The following EYS variants were observed in gnomAD, a reference collection of about 807,000 sequenced individuals.
The protein encoded by EYS is protein eyes shut homolog.
Under a neutral mutation model 282.1 loss-of-function variants are expected in EYS, and 250 were observed. The observed-to-expected ratio is 0.89, with a 90% confidence interval of 0.80 to 0.98. The LOEUF is 0.98. Ranked by LOEUF, EYS falls within the 50% of genes least tolerant of loss-of-function variation. The probability of loss-of-function intolerance (pLI) is 0.00; values close to 1 mark genes in which losing one functional copy is unlikely to be tolerated. For missense variants in EYS, 4,016 were observed against 3,709.0 expected (o/e 1.08, Z -2.15); for synonymous variants, 1,355 against 1,282.9 (o/e 1.06, Z -1.20).
At chr6:63,793,869 G>A (rs563795889) in intron 37 of EYS, among the ~76,000 whole-genome samples, 1 of 152,296 alleles carries the variant, frequency 6.6e-6, no homozygotes, top group East Asian at 1.9e-4. Flanking sequence ...GCCGCTTAGA[G>A]CCTTTGTATG....
At chr6:65,580,262 A>G (rs1297748563) in intron 2 of EYS, among the ~76,000 whole-genome samples, 1 of 152,182 alleles carries the variant, frequency 6.6e-6, no homozygotes, top group Non-Finnish European at 1.5e-5. Flanking sequence ...TATTTGGAGA[A>G]AAGATTGCTT....
intron 5 of EYS, among the ~76,000 whole-genome samples, chr6:65,435,322 A>C (rs1442230254): frequency 6.6e-6 from 1 of 152,078 alleles, no homozygotes; most frequent in Non-Finnish European, 1.5e-5. Context: ...GTCAAAGATT[A>C]TAACAGTTCA....
intron 26 of EYS, among the ~76,000 whole-genome samples, chr6:64,439,992 C>CT (rs1561995604): frequency 7.2e-6 from 1 of 139,490 alleles, no homozygotes; most frequent in Non-Finnish European, 1.6e-5. Flanking sequence ...ATTATTAAAT[C>CT]ATTTTTTTTT....
chr6:63,823,528 T>A (rs1401239252), intron 36 of EYS, among the ~76,000 whole-genome samples: 1 of 152,196 alleles, frequency 6.6e-6, no homozygotes. Context: ...GACATGCATA[T>A]TTTATTCTCT....
intron 21 of EYS, chr6:64,815,328 C>T (rs1583186818): frequency 3.2e-6 from 1 of 311,854 alleles, no homozygotes; most frequent in East Asian, 1.1e-4. Flanking sequence ...CAGGGAGTGG[C>T]ATGGAAACAT....
At chr6:64,446,988 G>C (rs6920503) in intron 26 of EYS, among the ~76,000 whole-genome samples, 2 of 81,572 alleles carry the variant, frequency 2.5e-5, no homozygotes, top group South Asian at 8.6e-4. Context: ...TGTGTGTGTG[G>C]GGGGGGGGTG....
intron 31 of EYS, among the ~76,000 whole-genome samples, chr6:64,197,332 C>G (rs1157615894): frequency 6.6e-6 from 1 of 152,094 alleles, no homozygotes; most frequent in Non-Finnish European, 1.5e-5. Flanking sequence ...TGGGATTTCA[C>G]TTTTATCTGT....
At chr6:65,129,081 A>G (rs1362026689) in intron 12 of EYS, among the ~76,000 whole-genome samples, 1 of 152,058 alleles carries the variant, frequency 6.6e-6, no homozygotes, top group Non-Finnish European at 1.5e-5. Context: ...TATTCAATAA[A>G]TGGTGGGTGC....
intron 12 of EYS, among the ~76,000 whole-genome samples, chr6:65,072,985 A>C (rs1027165566): frequency 2.6e-5 from 4 of 151,510 alleles, no homozygotes; most frequent in Non-Finnish European, 4.4e-5. Flanking sequence ...TTTTATGAAC[A>C]AACATTATAC....
intron 22 of EYS, among the ~76,000 whole-genome samples, chr6:64,748,804 A>G (rs1286722528): frequency 1.3e-5 from 2 of 152,116 alleles, no homozygotes; most frequent in Non-Finnish European, 2.9e-5. Flanking sequence ...ACGGAGTCTC[A>G]CTCTGTTGCC....
intron 26 of EYS, among the ~76,000 whole-genome samples, chr6:64,471,987 A>T (rs1410654884): frequency 6.6e-6 from 1 of 151,968 alleles, no homozygotes; most frequent in Middle Eastern, 3.2e-3. Flanking sequence ...CACAAAAAAA[A>T]TTTGAGGTGA....
intron 12 of EYS, among the ~76,000 whole-genome samples, chr6:65,126,872 C>A (rs113537932): frequency 0.021 from 3,122 of 152,222 alleles, 45 homozygotes; most frequent in Non-Finnish European, 0.028. Flanking sequence ...ATTATCTCAA[C>A]TCATACCTCT....
At chr6:65,085,008 G>C (rs896904363) in intron 12 of EYS, among the ~76,000 whole-genome samples, 7 of 152,094 alleles carry the variant, frequency 4.6e-5, no homozygotes, top group African/African-American at 1.7e-4. Context: ...TTAGAATTCT[G>C]AGAATACTGG....
chr6:65,401,761 C>T (rs1350773756), intron 7 of EYS, among the ~76,000 whole-genome samples: 4 of 151,748 alleles, frequency 2.6e-5, no homozygotes, highest in Admixed American at 2.6e-4. Flanking sequence ...ATTCTGTACC[C>T]CACATGTTAA....
intron 22 of EYS, among the ~76,000 whole-genome samples, chr6:64,730,090 T>A (rs1044406521): frequency 6.6e-6 from 1 of 152,196 alleles, no homozygotes; most frequent in Non-Finnish European, 1.5e-5. Context: ...CTTGTTAAAT[T>A]TTTGTTTCTT....
At chr6:65,586,047 T>C (rs1765033195) in intron 2 of EYS, among the ~76,000 whole-genome samples, 10 of 152,046 alleles carry the variant, frequency 6.6e-5, no homozygotes, top group Admixed American at 6.6e-4. Context: ...GGCCACTCAC[T>C]TATTTGGTGG....
chr6:65,280,885 A>T (rs889529449), intron 12 of EYS, among the ~76,000 whole-genome samples: 7 of 146,710 alleles, frequency 4.8e-5, no homozygotes, highest in African/African-American at 1.7e-4. Context: ...TATATATATA[A>T]ATCAGCTGAG....
chr6:65,674,753 A>G (rs914348629), intron 1 of EYS, among the ~76,000 whole-genome samples: 1 of 152,046 alleles, frequency 6.6e-6, no homozygotes, highest in Non-Finnish European at 1.5e-5. Flanking sequence ...AATTGTAAAC[A>G]AAAGAATGCT....
At chr6:64,539,695 C>T (rs1764637803) in intron 26 of EYS, among the ~76,000 whole-genome samples, 1 of 152,180 alleles carries the variant, frequency 6.6e-6, no homozygotes, top group East Asian at 1.9e-4. Context: ...AGATATTTTT[C>T]TCCAGGGTGA....
Sources: gnomAD v4.1 joint callset for allele counts (sites outside exome capture counted in the v4.1 genomes callset) on GRCh38, gnomAD v4.1.1 for gene constraint, MANE v1.5 for transcripts, NCBI Gene and HGNC (gene_info 2026-07-23, HGNC 2026-07-21) for gene names.